MCM10: variants seen among roughly 807,000 people sequenced by gnomAD.
MCM10 encodes the protein protein MCM10 homolog.
In MCM10, 91 loss-of-function variants were observed where a neutral mutation model predicts 109.9. The observed-to-expected ratio is 0.83, with a 90% CI of 0.70 to 0.99. The LOEUF (loss-of-function observed/expected upper bound fraction) is 0.99. Among genes scored for constraint, MCM10 ranks in the 50% least tolerant of loss-of-function variants. The pLI is 0.00. For missense variants in MCM10, 1,077 were observed against 1,061.2 expected (o/e 1.01, Z -0.21); for synonymous variants, 380 against 387.2 (o/e 0.98, Z 0.22).
At chr10:13,193,752 G>T (rs1834379818) in intron 13 of MCM10, among the ~76,000 whole-genome samples, 2 of 152,232 alleles carry the variant, frequency 1.3e-5, no homozygotes, top group South Asian at 2.1e-4. Flanking sequence ...CGTGGACACA[G>T]AAATATGTAT....
intron 13 of MCM10, among the ~76,000 whole-genome samples, chr10:13,193,000 C>T (rs1834369338): frequency 6.6e-6 from 1 of 152,070 alleles, no homozygotes; most frequent in Non-Finnish European, 1.5e-5. Context: ...ATCCTCCTGC[C>T]TTGGCCTCCC....
chr10:13,198,933 T>A (rs766647402), intron 16 of MCM10, 126 bp downstream of exon 16: 4 of 651,264 alleles, frequency 6.1e-6, no homozygotes, highest in Non-Finnish European at 7.9e-6. Flanking sequence ...TCTCAGTCTG[T>A]GGCCCAGGCT....
chr10:13,200,484 C>G (rs1834483346), intron 16 of MCM10, among the ~76,000 whole-genome samples: 1 of 152,238 alleles, frequency 6.6e-6, no homozygotes, highest in East Asian at 1.9e-4. Flanking sequence ...CTTTGATTAA[C>G]AAATAACTAA....
intron 2 of MCM10, among the ~76,000 whole-genome samples, chr10:13,166,681 T>TATATATATATATAG (rs1834005314): frequency 7.6e-6 from 1 of 131,592 alleles, no homozygotes; most frequent in African/African-American, 2.7e-5. Flanking sequence ...TATATATATA[T>TATATATATATATAG]ATATATATCA....
intron 6 of MCM10, among the ~76,000 whole-genome samples, chr10:13,179,764 AT>A (rs1471989646): frequency 6.6e-6 from 1 of 152,228 alleles, no homozygotes; most frequent in Non-Finnish European, 1.5e-5. Context: ...AACCTGTGAA[AT>A]TCTTGCATAA....
chr10:13,183,632 T>C (rs1834237402), intron 8 of MCM10, among the ~76,000 whole-genome samples: 1 of 152,216 alleles, frequency 6.6e-6, no homozygotes, highest in South Asian at 2.1e-4. Flanking sequence ...TTCAAATTAG[T>C]TACAAAGTTC....
intron 14 of MCM10, among the ~76,000 whole-genome samples, chr10:13,197,009 C>T (rs1834430290): frequency 6.6e-6 from 1 of 151,936 alleles, no homozygotes; most frequent in Admixed American, 6.6e-5. Context: ...ACTGAAACCT[C>T]CATCTCCCTG....
rs1834084076 is a variant in MCM10 at position 13,172,273 on chromosome 10, G to T, written c.350-103G>T. On this transcript the variant is annotated intron_variant, in intron 3 of 19. Coordinates refer to ENST00000378714, the MANE Select transcript of MCM10 (RefSeq NM_018518.5). This position sits in a 1 kb window ranked among gnomAD's most constrained non-coding sequence, Gnocchi z 5.2. ...ATGTGATTATATTGTGGGTCTCAAG[G>T]TATTGGGGCAGGGAGTGGACAACAA... is the stretch of plus-strand genomic sequence containing the variant. The T allele has an allele frequency of 1.3e-6, 1 of 765,110 alleles. No homozygotes were observed. The allele number at this position is 765,110 out of a possible 1,614,324, so 47.4% of individuals were successfully genotyped here.
At chr10:13,209,183 A>G (rs745490292) in intron 19 of MCM10, 44 bp from the exon 20 acceptor site, 26 of 1,602,954 alleles carry the variant, frequency 1.6e-5, no homozygotes, top group Non-Finnish European at 2.1e-5. Flanking sequence ...ACCCATGCTA[A>G]TAATGTGGAA....
At chr10:13,204,581 C>T (rs1834544948) in intron 18 of MCM10, 2 of 497,714 alleles carry the variant, frequency 4.0e-6, no homozygotes, top group South Asian at 3.5e-5. Flanking sequence ...GTGCCTGGCC[C>T]ATAAGGGGTC....
At position 13,182,812 on chromosome 10, in the gene MCM10, C is replaced by A. The variant is rs115174882; in HGVS notation, c.931-121C>A. 1.1e-3 allele frequency: 756 copies of A among 708,212 alleles called. 6 individuals carry two copies. In the African/African-American group the frequency reaches 0.012, roughly 11 times the overall value. 43.9% of individuals were successfully genotyped at this position (708,212 alleles called of 1,614,324 possible). Reference sequence around the variant, plus strand: ...CTGATGATACATATTTGAATAACAACAAAAAAACTTGGATTTTATGGATTA... The same window carrying A: ...CTGATGATACATATTTGAATAACAAAAAAAAAACTTGGATTTTATGGATTA... On this transcript the variant is annotated intron_variant, in intron 7 of 19. Transcript: ENST00000378714. This position sits in a 1 kb window ranked among gnomAD's most constrained non-coding sequence, Gnocchi z 4.2.
chr10:13,209,436 A>G lies in MCM10; in HGVS notation c.*126A>G, dbSNP rs547110777. The G allele has an allele frequency of 1.3e-5, 10 of 751,130 alleles. No homozygotes were observed. The highest frequency in any genetic ancestry group is 8.9e-5 in the South Asian group (5 of 55,944). The allele number at this position is 751,130 out of a possible 1,614,324, so 46.5% of individuals were successfully genotyped here. On this transcript the variant is annotated 3_prime_UTR_variant, in exon 20 of 20. Coordinates refer to ENST00000378714, the MANE Select transcript of MCM10 (RefSeq NM_018518.5). ...TCAAAAACAAATGCTTGTTAAGCCC[A>G]TAAGCTTTGCCTGCTTACTTTCTGC...
chr10:13,186,843 T>G (rs1410684654), intron 9 of MCM10, among the ~76,000 whole-genome samples: 1 of 151,998 alleles, frequency 6.6e-6, no homozygotes, highest in Non-Finnish European at 1.5e-5. Flanking sequence ...AATACAAAAA[T>G]TAGGCGGTCA....
Position 13,183,037 on chromosome 10 carries a change from G to A in MCM10, c.1035G>A (p.Glu345=), listed in dbSNP as rs138013705. 2 of 1,614,090 alleles carry A rather than the reference G, an allele frequency of 1.2e-6. No individual in the cohort carries two copies. Among genetic ancestry groups the A allele is most frequent in the Non-Finnish European group, 1.7e-6 (2 of 1,180,034 alleles). Residue 345 remains glutamate (E), a synonymous_variant, in exon 8 of 20, where the codon GAG becomes GAA. Transcript: ENST00000378714. ...GEVHKALWKT[E]QGTVVGILNA... ...TTCACAAAGCGCTCTGGAAGACGGA[G>A]CAGGGGACTGTCGTAGGGATCCTCA...
chr10:13,194,610 A>G (rs1040270303), intron 13 of MCM10, among the ~76,000 whole-genome samples: 1 of 152,208 alleles, frequency 6.6e-6, no homozygotes, highest in Admixed American at 6.5e-5. Context: ...TTTTTCATTA[A>G]TGACTTCCAA....
At chr10:13,167,855 A>G (rs1429806685) in intron 2 of MCM10, among the ~76,000 whole-genome samples, 2 of 152,168 alleles carry the variant, frequency 1.3e-5, no homozygotes, top group African/African-American at 2.4e-5. Flanking sequence ...AGAGGCTTCC[A>G]GGGGTAGCCA....
In MCM10 at chr10:13,209,293, C is replaced by T. The variant is rs1428436374; in HGVS notation, c.2608C>T (p.Leu870=). Residue 870 remains leucine (L), a synonymous_variant, in exon 20 of 20, where the codon CTG becomes TTG. Transcript: ENST00000378714. ...LPRGEEHAKF[L]NSLK Reference sequence around the variant, plus strand: ...AAGAGGAGAAGAACATGCTAAATTTCTGAACAGCCTTAAATAACCCGAACT... The same window carrying T: ...AAGAGGAGAAGAACATGCTAAATTTTTGAACAGCCTTAAATAACCCGAACT... 6 of 1,613,686 alleles carry T rather than the reference C, an allele frequency of 3.7e-6. No individual in the cohort carries two copies. Among genetic ancestry groups the T allele is most frequent in the Non-Finnish European group, 3.4e-6 (4 of 1,179,842 alleles).
intron 2 of MCM10, among the ~76,000 whole-genome samples, chr10:13,164,505 C>T (rs577553975): frequency 3.9e-5 from 6 of 152,218 alleles, no homozygotes; most frequent in Admixed American, 6.5e-5. Flanking sequence ...ATTCAGTCCT[C>T]AGGCAAACGT....
chr10:13,189,116 T>C, intron 10 of MCM10, 36 bp downstream of exon 10: 1 of 1,611,426 alleles, frequency 6.2e-7, no homozygotes, highest in Non-Finnish European at 8.5e-7. Context: ...GGCAGAGGAT[T>C]TTGCTTATCA....
Sources: allele counts gnomAD v4.1 joint callset (sites outside exome capture counted in the v4.1 genomes callset), GRCh38; gene constraint gnomAD v4.1.1; non-coding constraint Gnocchi (gnomAD v3.1); transcripts MANE v1.5; gene names NCBI Gene and HGNC (gene_info 2026-07-23, HGNC 2026-07-21).